Variants in MED13 observed in about 807,000 individuals in gnomAD.
The protein encoded by MED13 is mediator of RNA polymerase II transcription subunit 13.
In MED13, 23 loss-of-function variants were observed where a neutral mutation model predicts 225.2. That is an observed-to-expected ratio of 0.10 (90% confidence interval 0.07 to 0.14). MED13 has a LOEUF of 0.14. Among genes scored for constraint, MED13 ranks in the 10% least tolerant of loss-of-function variants. The pLI, the probability that MED13 is intolerant of heterozygous loss-of-function variation, is 1.00. For synonymous variants in MED13, 942 were observed against 889.2 expected, an observed-to-expected ratio of 1.06 and a Z score of -1.06; for missense variants, 2,197 against 2,594.5, an observed-to-expected ratio of 0.85 and a Z score of 3.33.
intron 10 of MED13, among the ~76,000 whole-genome samples, chr17:61,994,828 G>C (rs2080333554): frequency 6.6e-6 from 1 of 152,146 alleles, no homozygotes; most frequent in East Asian, 1.9e-4. Flanking sequence ...TCCTGCCTCA[G>C]CCTCCCGAAT....
At chr17:61,957,498 C>T (rs1229307301) in intron 23 of MED13, among the ~76,000 whole-genome samples, 5 of 151,686 alleles carry the variant, frequency 3.3e-5, no homozygotes, top group Non-Finnish European at 4.4e-5. Flanking sequence ...TACAGGCGCC[C>T]GCCACCACAC....
chr17:62,018,712 T>C (rs1026711648), intron 8 of MED13, among the ~76,000 whole-genome samples: 2 of 132,580 alleles, frequency 1.5e-5, no homozygotes, highest in Non-Finnish European at 3.1e-5. Flanking sequence ...AAAGACCCTA[T>C]CTCAAAAAAA....
At chr17:62,018,939 G>A (rs1336990237) in intron 8 of MED13, among the ~76,000 whole-genome samples, 1 of 151,928 alleles carries the variant, frequency 6.6e-6, no homozygotes, top group Admixed American at 6.6e-5. Context: ...AATGCATGAT[G>A]TTACAAAATC....
In MED13 at chr17:61,968,065, G is replaced by C. The variant is rs760121434; in HGVS notation, c.4161C>G (p.Ser1387Arg). ...ATATTGCAGTAAGATCTCTAAAAAA[G>C]CTTTTTGCTCCATTTAACAAGGCTT... is the stretch of plus-strand genomic sequence containing the variant. ...ENEALLNGAK[S>R]FFRDLTAIYE... is the part of the protein sequence containing the mutation. The change falls in exon 18 of 30, where the codon AGC becomes AGG. Residue 1387 changes from serine (S) to arginine (R), a missense_variant. By Grantham distance (110) the Ser-to-Arg change is moderately radical. Coordinates refer to ENST00000397786, the MANE Select transcript of MED13 (RefSeq NM_005121.3). The C allele has an allele frequency of 1.8e-5, 29 of 1,613,450 alleles. No individual in the cohort carries two copies. Among genetic ancestry groups the C allele is most frequent in the Non-Finnish European group, 2.4e-5 (28 of 1,179,670 alleles).
intron 1 of MED13, among the ~76,000 whole-genome samples, chr17:62,064,086 T>C (rs2081062664): frequency 6.6e-6 from 1 of 152,192 alleles, no homozygotes; most frequent in South Asian, 2.1e-4. Context: ...GTGCCAAAAA[T>C]GAAACTGCTG....
intron 16 of MED13, 28 bp downstream of exon 16, chr17:61,982,169 CA>C: frequency 2.6e-6 from 4 of 1,563,670 alleles, no homozygotes; most frequent in Non-Finnish European, 2.6e-6. Context: ...AATAAGCAAA[CA>C]AAAAAGTATT....
At chr17:61,956,906 A>AT in intron 23 of MED13, among the ~76,000 whole-genome samples, 1 of 152,150 alleles carries the variant, frequency 6.6e-6, no homozygotes. Context: ...CAAAACCTTT[A>AT]CGTAAGTCCT....
Position 61,943,682 on chromosome 17 carries a change from T to C in MED13, c.*2786A>G, listed in dbSNP as rs1385873318. 1 of 152,602 alleles carries C rather than the reference T, an allele frequency of 6.6e-6. No homozygotes were observed. The highest frequency in any genetic ancestry group is 1.5e-5 in the Non-Finnish European group (1 of 67,990). The allele number at this position is 152,602 out of a possible 1,614,324, so 9.5% of individuals were successfully genotyped here. ...GCCAAACAATAAGGTGTACAGAAAT[T>C]TATTCATACAGTGTTAATTCACAGT... On this transcript the variant is annotated 3_prime_UTR_variant, in exon 30 of 30. Coordinates refer to ENST00000397786, the MANE Select transcript of MED13 (RefSeq NM_005121.3).
At chr17:61,974,602 G>GA (rs2080137961) in intron 16 of MED13, among the ~76,000 whole-genome samples, 1 of 151,714 alleles carries the variant, frequency 6.6e-6, no homozygotes, top group Non-Finnish European at 1.5e-5. Flanking sequence ...TCAATCAATA[G>GA]AAATAAACTG....
chr17:61,952,821 G>C (rs763903479), intron 27 of MED13, 144 bp downstream of exon 27: 3 of 863,156 alleles, frequency 3.5e-6, no homozygotes, highest in African/African-American at 1.7e-5. Context: ...ATTTTTAGTA[G>C]AGATGGGGTT....
chr17:61,966,521 C>G lies in MED13; in HGVS notation c.4322G>C (p.Gly1441Ala). 3 of 1,613,858 alleles carry G rather than the reference C, an allele frequency of 1.9e-6. No homozygotes were observed. The highest frequency in any genetic ancestry group is 1.1e-5 in the South Asian group (1 of 91,076). Residue 1441 changes from glycine (G) to alanine (A), a missense_variant, in exon 19 of 30, where the codon GGT becomes GCT. Coordinates refer to ENST00000397786, the MANE Select transcript of MED13 (RefSeq NM_005121.3). ...GAGTTTAGAAAATGCTTCATTGTTACCGTCAGCTGCCTGAGAAAACCATTC... is the reference window on the plus strand; with the variant it reads ...GAGTTTAGAAAATGCTTCATTGTTAGCGTCAGCTGCCTGAGAAAACCATTC... ...VAEWFSQAAD[G>A]NNEAFSKLKL...
At chr17:62,013,946 G>C (rs1242758902) in intron 8 of MED13, among the ~76,000 whole-genome samples, 1 of 152,094 alleles carries the variant, frequency 6.6e-6, no homozygotes. Flanking sequence ...GGCTGAGGCA[G>C]AAGAATCGCT....
In MED13 at chr17:62,055,851, G is replaced by A. The variant is rs12952152; in HGVS notation, c.302-3146C>T. Among the ~76,000 whole-genome samples, 4 of 152,038 alleles carry A rather than the reference G, an allele frequency of 2.6e-5. No individual in the cohort carries two copies. In the East Asian group the frequency reaches 7.7e-4, roughly 29 times the overall value. Reference sequence around the variant, plus strand: ...AAAAAAGAATATTGAATGTGGTTTAGAAAAGTAATCAGTATTAATCTTGAA... The same window carrying A: ...AAAAAAGAATATTGAATGTGGTTTAAAAAAGTAATCAGTATTAATCTTGAA... On this transcript the variant is annotated intron_variant, in intron 2 of 29. Coordinates refer to ENST00000397786, the MANE Select transcript of MED13 (RefSeq NM_005121.3).
intron 11 of MED13, among the ~76,000 whole-genome samples, chr17:61,991,803 C>T (rs900084737): frequency 2.2e-4 from 34 of 152,174 alleles, no homozygotes; most frequent in African/African-American, 7.7e-4. Context: ...CCACTGTGCC[C>T]GGCCTAATTT....
At chr17:61,986,986 A>G (rs775971120) in intron 12 of MED13, 21 bp downstream of exon 12, 1 of 1,480,756 alleles carries the variant, frequency 6.8e-7, no homozygotes, top group Admixed American at 2.4e-5. Flanking sequence ...TTATAATCCT[A>G]TTCATTAATG....
intron 19 of MED13, 93 bp from the exon 20 acceptor site, chr17:61,965,561 G>C: frequency 7.8e-7 from 1 of 1,277,024 alleles, no homozygotes; most frequent in Non-Finnish European, 1.1e-6. Flanking sequence ...TAATCCAGTT[G>C]ATGTTTTCTT....
intron 3 of MED13, among the ~76,000 whole-genome samples, chr17:62,048,398 C>CA (rs555420453): frequency 0.15 from 10,170 of 66,668 alleles, 843 homozygotes; most frequent in Middle Eastern, 0.22. Context: ...GAGACTGTTT[C>CA]AAAAAAAAAA....
At chr17:62,027,424 A>T (rs1430840567) in intron 8 of MED13, among the ~76,000 whole-genome samples, 12 of 152,194 alleles carry the variant, frequency 7.9e-5, no homozygotes, top group Admixed American at 7.2e-4. Flanking sequence ...ATACATAAAC[A>T]TCAACTCAAG....
At position 62,010,701 on chromosome 17, in the gene MED13, A is replaced by G. The variant is rs970464359; in HGVS notation, c.1816T>C (p.Leu606=). Residue 606 remains leucine (L), a synonymous_variant, in exon 9 of 30, where the codon TTG becomes CTG. Transcript: ENST00000397786. ...PTVYVGTAVN[L]EEDEANIAWK... is the part of the protein sequence containing the mutation. ...GCTATATTGGCTTCATCTTCTTCCA[A>G]GTTTACTGCTGTACCAACATATACT... 1 of 1,561,332 alleles carries G rather than the reference A, an allele frequency of 6.4e-7. No individual in the cohort carries two copies. Among genetic ancestry groups the G allele is most frequent in the African/African-American group, 1.4e-5 (1 of 72,870 alleles).
Sources: gnomAD v4.1 joint callset for allele counts (sites outside exome capture counted in the v4.1 genomes callset) on GRCh38, gnomAD v4.1.1 for gene constraint, MANE v1.5 for transcripts, NCBI Gene and HGNC (gene_info 2026-07-23, HGNC 2026-07-21) for gene names.